The following PTPRD variants were observed in gnomAD, a reference collection of about 807,000 sequenced individuals.
PTPRD encodes the protein protein tyrosine phosphatase receptor type D.
In PTPRD, 34 loss-of-function variants were observed where a neutral mutation model predicts 214.5. The ratio of observed to expected loss-of-function variants is 0.16; its 90% CI spans 0.12 to 0.21. PTPRD has a LOEUF of 0.21. Among genes scored for constraint, PTPRD ranks in the 10% least tolerant of loss-of-function variants. The pLI is 1.00. For missense variants in PTPRD, 2,545 were observed against 2,398.7 expected (o/e 1.06, Z -1.27); for synonymous variants, 1,128 against 845.7 (o/e 1.33, Z -5.79).
At chr9:10,326,636 T>A (rs1467724991) in intron 3 of PTPRD, among the ~76,000 whole-genome samples, 1 of 151,626 alleles carries the variant, frequency 6.6e-6, no homozygotes, top group South Asian at 2.1e-4. Flanking sequence ...TTTGAAAATA[T>A]CAAAAATTAT....
At chr9:10,069,532 A>C (rs2097953944) in intron 3 of PTPRD, among the ~76,000 whole-genome samples, 1 of 152,024 alleles carries the variant, frequency 6.6e-6, no homozygotes, top group South Asian at 2.1e-4. Flanking sequence ...AGAGAAAATA[A>C]TGCTTTTTCT....
chr9:10,181,619 C>A (rs1034520553), intron 3 of PTPRD, among the ~76,000 whole-genome samples: 11 of 151,508 alleles, frequency 7.3e-5, no homozygotes, highest in African/African-American at 2.2e-4. Flanking sequence ...CTGTCAGATA[C>A]TAAGGTATAT....
intron 5 of PTPRD, among the ~76,000 whole-genome samples, chr9:9,876,947 A>T (rs1167783550): frequency 6.6e-6 from 1 of 152,216 alleles, no homozygotes. Flanking sequence ...TATTTTAAGA[A>T]ACAAGAAAAC....
At chr9:9,960,887 G>A (rs941600569) in intron 4 of PTPRD, among the ~76,000 whole-genome samples, 1 of 151,974 alleles carries the variant, frequency 6.6e-6, no homozygotes, top group Non-Finnish European at 1.5e-5. Context: ...TACAGAATGG[G>A]AGAAAATTTT....
At chr9:9,575,019 G>A (rs1220492263) in intron 7 of PTPRD, among the ~76,000 whole-genome samples, 1 of 152,102 alleles carries the variant, frequency 6.6e-6, no homozygotes, top group African/African-American at 2.4e-5. Flanking sequence ...AAACAAGCAG[G>A]CAATTATTGT....
intron 11 of PTPRD, among the ~76,000 whole-genome samples, chr9:8,969,352 C>A (rs984446495): frequency 4.6e-5 from 7 of 152,120 alleles, no homozygotes; most frequent in African/African-American, 1.7e-4. Context: ...AGACTATGAC[C>A]ATCAAAGCCA....
At chr9:8,785,463 C>G (rs2095906106) in intron 11 of PTPRD, among the ~76,000 whole-genome samples, 1 of 152,136 alleles carries the variant, frequency 6.6e-6, no homozygotes, top group African/African-American at 2.4e-5. Context: ...TCCTGAATAT[C>G]CTTTTGATGA....
intron 10 of PTPRD, among the ~76,000 whole-genome samples, chr9:9,028,032 T>C (rs538589607): frequency 6.8e-4 from 104 of 152,020 alleles, no homozygotes; most frequent in African/African-American, 2.5e-3. Context: ...CTTGTGTAAG[T>C]AAACATATAC....
At chr9:8,429,255 TGAA>T (rs5896247) in intron 35 of PTPRD, among the ~76,000 whole-genome samples, 53,693 of 151,750 alleles carry the variant, frequency 0.35, 9,900 homozygotes, top group East Asian at 0.55. Context: ...TAAGGTGCAG[TGAA>T]GAAGAACAAA....
At chr9:8,590,540 T>C (rs2094018089) in intron 14 of PTPRD, among the ~76,000 whole-genome samples, 1 of 152,114 alleles carries the variant, frequency 6.6e-6, no homozygotes, top group African/African-American at 2.4e-5. Flanking sequence ...TATTTTTACA[T>C]TTGAAGCCTG....
intron 4 of PTPRD, among the ~76,000 whole-genome samples, chr9:10,017,913 AAC>A: frequency 6.6e-6 from 1 of 152,280 alleles, no homozygotes; most frequent in Non-Finnish European, 1.5e-5. Flanking sequence ...CACTTAAAAC[AAC>A]ACTCAAATGA....
At chr9:9,843,985 T>C (rs564989407) in intron 5 of PTPRD, among the ~76,000 whole-genome samples, 5 of 152,008 alleles carry the variant, frequency 3.3e-5, no homozygotes, top group Non-Finnish European at 7.4e-5. Context: ...CATATACCTA[T>C]GTATATGTCT....
At chr9:10,511,170 A>T (rs1384209770) in intron 2 of PTPRD, among the ~76,000 whole-genome samples, 2 of 152,198 alleles carry the variant, frequency 1.3e-5, no homozygotes, top group Admixed American at 1.3e-4. Flanking sequence ...CTCATTTCAT[A>T]GTCGAAGTAT....
chr9:9,971,183 T>TA (rs927488066), intron 4 of PTPRD, among the ~76,000 whole-genome samples: 2 of 152,216 alleles, frequency 1.3e-5, no homozygotes, highest in African/African-American at 4.8e-5. Context: ...ATAAGCTAAT[T>TA]AAAAAAATAA....
chr9:9,791,695 T>C (rs1395363426), intron 5 of PTPRD, among the ~76,000 whole-genome samples: 1 of 152,162 alleles, frequency 6.6e-6, no homozygotes, highest in Non-Finnish European at 1.5e-5. Context: ...CAAGCTATCA[T>C]TTAGATCTTA....
chr9:10,556,721 A>C (rs2062690202), intron 2 of PTPRD, among the ~76,000 whole-genome samples: 1 of 152,148 alleles, frequency 6.6e-6, no homozygotes, highest in Admixed American at 6.6e-5. Context: ...AACACATTTA[A>C]CAACAGGTGT....
intron 11 of PTPRD, among the ~76,000 whole-genome samples, chr9:8,808,020 A>G (rs1481427190): frequency 6.6e-6 from 1 of 152,216 alleles, no homozygotes; most frequent in African/African-American, 2.4e-5. Flanking sequence ...ATGCTCTACA[A>G]AATGAAAATG....
intron 12 of PTPRD, among the ~76,000 whole-genome samples, chr9:8,714,169 T>C (rs1057390486): frequency 3.3e-5 from 5 of 152,210 alleles, no homozygotes; most frequent in Admixed American, 6.5e-5. Flanking sequence ...TGGACATCCA[T>C]CACTTCAGGA....
intron 2 of PTPRD, among the ~76,000 whole-genome samples, chr9:10,542,040 A>C (rs2059230757): frequency 6.6e-6 from 1 of 152,152 alleles, no homozygotes; most frequent in Non-Finnish European, 1.5e-5. Context: ...GCACGTGGCC[A>C]ATTATTTCTC....
Sources: gnomAD v4.1 joint callset for allele counts (sites outside exome capture counted in the v4.1 genomes callset) on GRCh38, gnomAD v4.1.1 for gene constraint, MANE v1.5 for transcripts, NCBI Gene and HGNC (gene_info 2026-07-23, HGNC 2026-07-21) for gene names.